Variants in ESPN observed in about 807,000 individuals in gnomAD.
ESPN encodes the protein autosomal recessive deafness type 36 protein.
Under a neutral mutation model 77.7 loss-of-function variants are expected in ESPN, and 68 were observed. That is an observed-to-expected ratio of 0.87 (90% CI 0.72 to 1.07). ESPN has a LOEUF of 1.07. ESPN is among the 50% of genes least tolerant of loss of function. The pLI, the probability that ESPN is intolerant of heterozygous loss-of-function variation, is 0.00. For synonymous variants in ESPN, 449 were observed against 567.1 expected, an observed-to-expected ratio of 0.79 and a Z score of 2.96; for missense variants, 1,060 against 1,239.0, an observed-to-expected ratio of 0.86 and a Z score of 2.17.
chr1:6,444,538 C>T lies in ESPN; in HGVS notation c.1048C>T (p.Pro350Ser), dbSNP rs115143295. 220 of 1,614,226 alleles carry T rather than the reference C, an allele frequency of 1.4e-4. No homozygotes were observed. In the African/African-American group the frequency reaches 2.5e-3, roughly 19 times the overall value. Residue 350 changes from proline (P) to serine (S), a missense_variant, in exon 6 of 13, where the codon CCG becomes TCG. Pro to Ser is a moderately conservative substitution (Grantham distance 74). Coordinates refer to ENST00000645284, the MANE Select transcript of ESPN (RefSeq NM_031475.3). ...DPSAELEAKQ[P>S]DSGMSSPNTT... ...ATCCGCAGAGCTGGAGGCTAAGCAG[C>T]CGGATTCAGGCATGTCCTCACCCAA...
Position 6,444,695 on chromosome 1 carries a change from A to G in ESPN, c.1192+13A>G. 14 of 1,613,992 alleles carry G rather than the reference A, an allele frequency of 8.7e-6. No individual in the cohort carries two copies. Among genetic ancestry groups the G allele is most frequent in the Non-Finnish European group, 1.0e-5 (12 of 1,179,882 alleles). On this transcript the variant is annotated intron_variant, in intron 6 of 12. Coordinates refer to ENST00000645284, the MANE Select transcript of ESPN (RefSeq NM_031475.3). ...CACCCTCCATGTGGTGAGTGTGCCC[A>G]GGAGGAAGACGGGGAGGGAGAGCAG...
intron 12 of ESPN, among the ~76,000 whole-genome samples, chr1:6,458,446 G>A (rs1379962908): frequency 6.6e-6 from 1 of 151,806 alleles, no homozygotes; most frequent in Non-Finnish European, 1.5e-5. Flanking sequence ...CTCCCTGGTA[G>A]TTGGGATTAC....
chr1:6,428,418 G>C lies in ESPN; in HGVS notation c.487G>C (p.Glu163Gln). ...SLRLLVEHYP[E>Q]GVNAQTKNGA... ...GAGGCTTCTCGTCGAGCACTACCCT[G>C]AGTAAGATCACCCCTCTTAAGGGGT... Residue 163 changes from glutamate (E) to glutamine (Q), a missense_variant and splice_region_variant, in exon 2 of 13, where the codon GAG (glutamate) becomes CAG (glutamine). Around this residue, in one of 3 missense-constraint regions of ESPN, gnomAD observed 556 missense variants for 633.6 expected, o/e 0.88. Transcript: ENST00000645284. The surrounding 1 kb of genome is among the most constrained non-coding windows in gnomAD (Gnocchi z 5.4). The C allele has an allele frequency of 6.2e-7, 1 of 1,608,832 alleles. No individual in the cohort carries two copies.
chr1:6,453,039 C>T (rs932755238), intron 10 of ESPN, among the ~76,000 whole-genome samples: 3 of 152,160 alleles, frequency 2.0e-5, no homozygotes, highest in Non-Finnish European at 4.4e-5. Context: ...ACTACAAATG[C>T]CCGCCAACAA....
Position 6,451,502 on chromosome 1 carries a change from A to C in ESPN, c.1916-101A>C, listed in dbSNP as rs1267001886. On this transcript the variant is annotated intron_variant, in intron 8 of 12. Coordinates refer to ENST00000645284, the MANE Select transcript of ESPN (RefSeq NM_031475.3). This position sits in a 1 kb window ranked among gnomAD's most constrained non-coding sequence, Gnocchi z 4.3. The stretch of plus-strand genomic sequence containing the variant: ...CCGCTGGCCCGGAGGATGGGCACCC[A>C]TCCAATCTTGGCTTAGGAAAGGGGC... 1 of 1,507,994 alleles carries C rather than the reference A, an allele frequency of 6.6e-7. No homozygotes were observed. Among genetic ancestry groups the C allele is most frequent in the African/African-American group, 1.4e-5 (1 of 72,138 alleles). 93.4% of individuals were successfully genotyped at this position (1,507,994 alleles called of 1,614,324 possible).
At chr1:6,455,945 T>C (rs1644047912) in intron 10 of ESPN, 3 of 398,672 alleles carry the variant, frequency 7.5e-6, no homozygotes, top group East Asian at 7.1e-5. Flanking sequence ...CCGAAGAGGC[T>C]GCTCCATTTC....
In ESPN at chr1:6,428,386, C is replaced by T; in HGVS notation, c.455C>T (p.Pro152Leu). ...TACGCTGCCGCCAAAGGAGACTTCC[C>T]CTCCCTGAGGCTTCTCGTCGAGCAC... ...IHYAAAKGDF[P>L]SLRLLVEHYP... is the part of the protein sequence containing the mutation. The change falls in exon 2 of 13, where the codon CCC becomes CTC. Residue 152 changes from proline (P) to leucine (L), a missense_variant. Around this residue, in one of 3 missense-constraint regions of ESPN, gnomAD observed 556 missense variants for 633.6 expected, o/e 0.88. Coordinates refer to ENST00000645284, the MANE Select transcript of ESPN (RefSeq NM_031475.3). This position sits in a 1 kb window ranked among gnomAD's most constrained non-coding sequence, Gnocchi z 5.4. 6.2e-7 allele frequency: 1 copy of T among 1,612,826 alleles called. No individual in the cohort carries two copies. Among genetic ancestry groups the T allele is most frequent in the Non-Finnish European group, 8.5e-7 (1 of 1,179,550 alleles).
At chr1:6,452,901 T>TTA (rs1244578157) in intron 10 of ESPN, among the ~76,000 whole-genome samples, 55 of 141,678 alleles carry the variant, frequency 3.9e-4, no homozygotes, top group African/African-American at 1.7e-3. Flanking sequence ...ATTTTTATTT[T>TTA]TTATTTTTTG....
rs1197134274 is a variant in ESPN at position 6,440,801 on chromosome 1, A to T, written c.851A>T (p.Glu284Val). The change falls in exon 4 of 13, where the codon GAG (glutamate) becomes GTG (valine). Residue 284 changes from glutamate to valine, a missense_variant. Around this residue, in one of 3 missense-constraint regions of ESPN, gnomAD observed 556 missense variants for 633.6 expected, o/e 0.88. Transcript: ENST00000645284. ...TPLHDAAENGELECCQILVVN... is the reference protein window; with the variant it reads ...TPLHDAAENGVLECCQILVVN... Reference sequence around the variant, plus strand: ...CTGCACGACGCCGCCGAGAACGGGGAGCTAGAGGTCAGCGCGGGCCCGGGG... The same window carrying T: ...CTGCACGACGCCGCCGAGAACGGGGTGCTAGAGGTCAGCGCGGGCCCGGGG... The T allele has an allele frequency of 2.7e-6, 4 of 1,499,900 alleles. No homozygotes were observed. The highest frequency in any genetic ancestry group is 3.5e-6 in the Non-Finnish European group (4 of 1,133,246). The allele number at this position is 1,499,900 out of a possible 1,614,324, so 92.9% of individuals were successfully genotyped here. A position where few individuals can be genotyped will look rare whatever the true frequency, so the allele number is the denominator to read the frequency against.
chr1:6,444,202 A>C (rs1643744336), intron 5 of ESPN, among the ~76,000 whole-genome samples: 1 of 152,162 alleles, frequency 6.6e-6, no homozygotes, highest in Admixed American at 6.5e-5. Flanking sequence ...GGTGCAGCTC[A>C]AGGGCCCCCT....
chr1:6,452,541 G>A (rs1643968239), intron 10 of ESPN, among the ~76,000 whole-genome samples: 1 of 152,196 alleles, frequency 6.6e-6, no homozygotes, highest in South Asian at 2.1e-4. Context: ...GTCCTTGGAA[G>A]TGAGACAGCA....
At chr1:6,456,869 G>A (rs1157678171) in intron 10 of ESPN, among the ~76,000 whole-genome samples, 1 of 152,218 alleles carries the variant, frequency 6.6e-6, no homozygotes, top group Non-Finnish European at 1.5e-5. Context: ...GAGGTCTTGG[G>A]CCTGTGGCCA....
At chr1:6,459,965 T>A in intron 12 of ESPN, 34 bp from the exon 13 acceptor site, 2 of 1,612,560 alleles carry the variant, frequency 1.2e-6, no homozygotes, top group Non-Finnish European at 1.7e-6. Flanking sequence ...GGCCCCAGAC[T>A]TCACCGGGTC....
intron 5 of ESPN, among the ~76,000 whole-genome samples, chr1:6,442,721 A>T (rs1454937832): frequency 6.7e-6 from 1 of 150,278 alleles, no homozygotes. Flanking sequence ...TATAAAAATT[A>T]GCTGGGCATG....
At position 6,437,920 on chromosome 1, in the gene ESPN, G is replaced by A. The variant is rs968543928; in HGVS notation, c.489-2334G>A. Among the ~76,000 whole-genome samples the A allele has an allele frequency of 2.0e-5, 3 of 148,884 alleles. No individual in the cohort carries two copies. Among genetic ancestry groups the A allele is most frequent in the Non-Finnish European group, 3.0e-5 (2 of 67,090 alleles). ...CAGGGGTCAGAAGAGGGGCTAAGTC[G>A]TGTTGGGAACAAGAGGGTGGGTGGG... is the stretch of plus-strand genomic sequence containing the variant. On this transcript the variant is annotated intron_variant, in intron 2 of 12. Coordinates refer to ENST00000645284, the MANE Select transcript of ESPN (RefSeq NM_031475.3). The surrounding 1 kb of genome is among the most constrained non-coding windows in gnomAD (Gnocchi z 4.5).
chr1:6,435,693 G>C (rs1339642117), intron 2 of ESPN, among the ~76,000 whole-genome samples: 1 of 152,184 alleles, frequency 6.6e-6, no homozygotes, highest in Non-Finnish European at 1.5e-5. Context: ...CTCCCCTCTA[G>C]GTAGTGTTCC....
At chr1:6,434,598 AG>A (rs997166236) in intron 2 of ESPN, among the ~76,000 whole-genome samples, 3 of 152,198 alleles carry the variant, frequency 2.0e-5, no homozygotes, top group Middle Eastern at 3.4e-3. Context: ...TGAGGCCATG[AG>A]TGAAGAGAGA....
intron 1 of ESPN, among the ~76,000 whole-genome samples, chr1:6,426,008 A>G (rs536196982): frequency 1.4e-4 from 22 of 152,324 alleles, no homozygotes; most frequent in African/African-American, 4.6e-4. Context: ...GAGGAAGGGA[A>G]AAGCTGCCAG....
intron 12 of ESPN, among the ~76,000 whole-genome samples, chr1:6,458,618 C>CA (rs562983422): frequency 2.1e-3 from 314 of 150,692 alleles, no homozygotes; most frequent in African/African-American, 6.6e-3. Flanking sequence ...ACCAGGCCTG[C>CA]AAAAAAAATT....
Sources: gnomAD v4.1 joint callset for allele counts (sites outside exome capture counted in the v4.1 genomes callset) on GRCh38, gnomAD v4.1.1 for gene constraint, gnomAD v4.1.1 regional missense constraint, Gnocchi (gnomAD v3.1) non-coding constraint, MANE v1.5 for transcripts, NCBI Gene and HGNC (gene_info 2026-07-23, HGNC 2026-07-21) for gene names.